RAD52: variants seen among roughly 807,000 people sequenced by gnomAD.
RAD52 encodes RAD52 DNA repair protein.
A neutral mutation model predicts 55.5 loss-of-function variants in RAD52; 47 were observed. The observed-to-expected ratio is 0.85, with a 90% CI of 0.67 to 1.08. RAD52 has a LOEUF of 1.08. RAD52 is among the 50% of genes least tolerant of loss of function. RAD52 has a pLI of 0.00. For synonymous variants in RAD52, 184 were observed against 198.9 expected (o/e 0.92, Z 0.63); for missense variants, 468 against 522.8 (o/e 0.90, Z 1.02).
chr12:988,558 A>T (rs888637693), intron 1 of RAD52, among the ~76,000 whole-genome samples: 1 of 152,202 alleles, frequency 6.6e-6, no homozygotes, highest in Admixed American at 6.5e-5. Flanking sequence ...GGGTTTGTTT[A>T]GCTCACAATT....
At chr12:914,570 C>T in intron 9 of RAD52, 38 bp from the exon 10 acceptor site, 1 of 1,610,310 alleles carries the variant, frequency 6.2e-7, no homozygotes, top group South Asian at 1.1e-5. Flanking sequence ...AAGTCATCAT[C>T]ACATCACTGC....
At chr12:961,784 G>A (rs1421656955) in intron 1 of RAD52, among the ~76,000 whole-genome samples, 1 of 152,006 alleles carries the variant, frequency 6.6e-6, no homozygotes, top group South Asian at 2.1e-4. Context: ...ACTCGGTTGA[G>A]CCTAGGAGGC....
chr12:937,303 C>T lies in RAD52; in HGVS notation c.-18-4227G>A, dbSNP rs565492013. ...CTCACCTTTCCCCTACCTCTGCTTCCTGAGAGCACACTTCTTGAAAAAATA... is the reference window on the plus strand; with the variant it reads ...CTCACCTTTCCCCTACCTCTGCTTCTTGAGAGCACACTTCTTGAAAAAATA... On this transcript the variant is annotated intron_variant, in intron 1 of 11. Coordinates refer to ENST00000358495, the MANE Select transcript of RAD52 (RefSeq NM_134424.4). Among the ~76,000 whole-genome samples, 11 of 152,306 alleles carry T rather than the reference C, an allele frequency of 7.2e-5. No homozygotes were observed. The East Asian group carries it at 2.1e-3, about 29-fold the overall frequency.
At position 931,289 on chromosome 12, in the gene RAD52, G is replaced by T. The variant is rs140136060; in HGVS notation, c.117C>A (p.Ile39=). 1 of 1,611,886 alleles carries T rather than the reference G, an allele frequency of 6.2e-7. No individual in the cohort carries two copies. Among genetic ancestry groups the T allele is most frequent in the Middle Eastern group, 1.7e-4 (1 of 6,054 alleles). Residue 39 remains isoleucine (I), a synonymous_variant, in exon 3 of 12, where the codon ATC becomes ATA. Transcript: ENST00000358495. ...CQYTAEEYQA[I]QKALRQRLGP... is the part of the protein sequence containing the mutation. ...CCAGCCTCTGCCTCAGGGCCTTCTG[G>T]ATGGCCTGGTACTCTTCTGCTGTGT...
chr12:975,131 G>GGTAT (rs1478232845), intron 1 of RAD52: 3 of 150,282 alleles, frequency 2.0e-5, no homozygotes, highest in African/African-American at 7.3e-5. Context: ...AAACATCATA[G>GGTAT]GTATGTATGT....
At chr12:945,029 C>T (rs1326811236) in intron 1 of RAD52, among the ~76,000 whole-genome samples, 1 of 151,890 alleles carries the variant, frequency 6.6e-6, no homozygotes, top group Non-Finnish European at 1.5e-5. Context: ...CTATAATGTT[C>T]ATGAAACTTT....
At position 931,303 on chromosome 12, in the gene RAD52, C is replaced by T; in HGVS notation, c.103G>A (p.Glu35Lys). Residue 35 changes from glutamate (E) to lysine (K), a missense_variant, in exon 3 of 12, where the codon GAG becomes AAG. Transcript: ENST00000358495. ...CFGQCQYTAE[E>K]YQAIQKALRQ... ...AGGGCCTTCTGGATGGCCTGGTACT[C>T]TTCTGCTGTGTACTGGCACTGCAAC... is the stretch of plus-strand genomic sequence containing the variant. The T allele has an allele frequency of 1.2e-6, 2 of 1,607,448 alleles. No individual in the cohort carries two copies. Among genetic ancestry groups the T allele is most frequent in the Non-Finnish European group, 1.7e-6 (2 of 1,177,714 alleles).
chr12:943,415 T>C (rs773331302), intron 1 of RAD52, among the ~76,000 whole-genome samples: 1 of 152,200 alleles, frequency 6.6e-6, no homozygotes, highest in Non-Finnish European at 1.5e-5. Flanking sequence ...CAATCTCGGC[T>C]CACTGCAACC....
intron 1 of RAD52, among the ~76,000 whole-genome samples, chr12:960,623 C>T (rs1048545892): frequency 6.6e-6 from 1 of 152,150 alleles, no homozygotes; most frequent in East Asian, 1.9e-4. Context: ...CCACCACACC[C>T]TATTTTTGTT....
At chr12:970,829 TTACTC>T (rs1958838071) in intron 1 of RAD52, among the ~76,000 whole-genome samples, 1 of 152,048 alleles carries the variant, frequency 6.6e-6, no homozygotes, top group Non-Finnish European at 1.5e-5. Flanking sequence ...GTTCTATTAA[TTACTC>T]TTCTCATCAA....
chr12:916,865 C>T, intron 7 of RAD52, 45 bp from the exon 8 acceptor site: 1 of 1,572,564 alleles, frequency 6.4e-7, no homozygotes, highest in South Asian at 1.1e-5. Context: ...TGGCTCTTGC[C>T]CTCCGCTGCT....
intron 1 of RAD52, chr12:976,872 A>G (rs1448188430): frequency 3.9e-5 from 6 of 152,254 alleles, no homozygotes; most frequent in African/African-American, 1.4e-4. Flanking sequence ...TTCCAGATTC[A>G]TATCTAACTG....
At position 916,392 on chromosome 12, in the gene RAD52, C is replaced by A; in HGVS notation, c.817G>T (p.Glu273Ter). Residue 273 changes from glutamate to a stop codon, truncating the protein, a stop_gained, in exon 9 of 12, where the codon GAG becomes TAG. Transcript: ENST00000358495. LOFTEE classifies it high-confidence loss of function. ...QLQQQFRERM[E>*]KQQVRVSTPS... ...GTGGAGACTCGAACCTGCTGCTTCT[C>A]CATCCGCTCCCGGAACTGCTGCTGC... 6.2e-7 allele frequency: 1 copy of A among 1,608,928 alleles called. No individual in the cohort carries two copies.
chr12:968,307 T>G (rs1458714604), intron 1 of RAD52, among the ~76,000 whole-genome samples: 6 of 152,008 alleles, frequency 3.9e-5, no homozygotes, highest in African/African-American at 1.5e-4. Flanking sequence ...CATCCCCCTT[T>G]CTCCAGCTCC....
intron 3 of RAD52, among the ~76,000 whole-genome samples, chr12:930,380 TA>T (rs1353897149): frequency 4.6e-5 from 7 of 151,822 alleles, no homozygotes; most frequent in Non-Finnish European, 1.0e-4. Context: ...ACCAGTCTGT[TA>T]AAAAAAATTT....
chr12:925,780 C>T (rs1209010058), intron 6 of RAD52, among the ~76,000 whole-genome samples: 4 of 152,088 alleles, frequency 2.6e-5, no homozygotes, highest in Non-Finnish European at 1.5e-5. Context: ...AAGATTACGG[C>T]GCCATTCACA....
chr12:987,044 G>A lies in RAD52; in HGVS notation c.-19+2765C>T, dbSNP rs1334890397. On this transcript the variant is annotated intron_variant, in intron 1 of 11. Transcript: ENST00000430095. ...GGAGCGCAATGGCACAATCTCGGCT[G>A]ACTGCAACCTCTGCCTCCCGGATTC... Among the ~76,000 whole-genome samples, 5 of 151,710 alleles carry A rather than the reference G, an allele frequency of 3.3e-5. No homozygotes were observed. The East Asian group carries it at 9.7e-4, about 29-fold the overall frequency.
At chr12:935,860 ATAAATAAATAAAT>A (rs1957591686) in intron 1 of RAD52, among the ~76,000 whole-genome samples, 2 of 2,074 alleles carry the variant, frequency 9.6e-4, no homozygotes, top group South Asian at 0.023. Flanking sequence ...TCTCAAAAAA[ATAAATAAATAAAT>A]AAATAAATAA....
At chr12:947,328 C>G (rs895368438) in intron 1 of RAD52, among the ~76,000 whole-genome samples, 3 of 70,942 alleles carry the variant, frequency 4.2e-5, no homozygotes, top group Admixed American at 1.3e-4. Context: ...CTCTGTCCCC[C>G]CAAAAAAACA....
Sources: gnomAD v4.1 joint callset for allele counts (sites outside exome capture counted in the v4.1 genomes callset) on GRCh38, gnomAD v4.1.1 for gene constraint, MANE v1.5 for transcripts, NCBI Gene and HGNC (gene_info 2026-07-23, HGNC 2026-07-21) for gene names.